Variants in SV2A observed in about 807,000 individuals in gnomAD.
SV2A encodes solute carrier family 22 member B1.
A neutral mutation model predicts 78.0 loss-of-function variants in SV2A; 25 were observed. The ratio of observed to expected loss-of-function variants is 0.32; its 90% CI spans 0.23 to 0.45. The LOEUF is 0.45. Ranked by LOEUF, SV2A falls within the 20% of genes least tolerant of loss-of-function variation. The pLI, the probability that SV2A is intolerant of heterozygous loss-of-function variation, is 1.00. For synonymous variants in SV2A, 355 were observed against 384.7 expected, an observed-to-expected ratio of 0.92 and a Z score of 0.90; for missense variants, 752 against 971.5, an observed-to-expected ratio of 0.77 and a Z score of 3.00.
In SV2A at chr1:149,906,846, C is replaced by T. The variant is rs782783214; in HGVS notation, c.1689G>A (p.Glu563=). Reference sequence around the variant, plus strand: ...TCAGACGGCTGTTCACAAACTTGTACTCGAACAGGTCTGTGGGCAAAGGCC... The same window carrying T: ...TCAGACGGCTGTTCACAAACTTGTATTCGAACAGGTCTGTGGGCAAAGGCC... ...NTVFYNTDLF[E]YKFVNSRLIN... is the part of the protein sequence containing the mutation. The change falls in exon 11 of 13, where the codon GAG becomes GAA. Residue 563 remains glutamate, a synonymous_variant. Coordinates refer to ENST00000369146, the MANE Select transcript of SV2A (RefSeq NM_014849.5). 4.6e-5 allele frequency: 74 copies of T among 1,614,196 alleles called. No homozygotes were observed. Among genetic ancestry groups the T allele is most frequent in the Non-Finnish European group, 6.1e-5 (72 of 1,180,040 alleles).
intron 12 of SV2A, 172 bp downstream of exon 12, chr1:149,905,708 A>G: frequency 1.1e-6 from 1 of 872,126 alleles, no homozygotes; most frequent in South Asian, 1.7e-5. Flanking sequence ...CTCCCAAAGC[A>G]CTGGGATTAC....
intron 10 of SV2A, 84 bp downstream of exon 10, chr1:149,907,616 C>T (rs2092446941): frequency 6.5e-7 from 1 of 1,544,632 alleles, no homozygotes; most frequent in Non-Finnish European, 8.8e-7. Context: ...CTTGAGAACC[C>T]TAAGATAGTG....
rs1553762445 is a variant in SV2A at position 149,904,949 on chromosome 1, G to A, written c.*65C>T. ...CTGGAGGTCAGGATGGCAGGGCAGG[G>A]AGGGGAAGGAAGGAGTTGTTGGTCT... On this transcript the variant is annotated 3_prime_UTR_variant, in exon 13 of 13. Coordinates refer to ENST00000369146, the MANE Select transcript of SV2A (RefSeq NM_014849.5). 4.0e-6 allele frequency: 6 copies of A among 1,499,730 alleles called. No individual in the cohort carries two copies. In the East Asian group the frequency reaches 1.2e-4, roughly 30 times the overall value. 92.9% of individuals were successfully genotyped at this position (1,499,730 alleles called of 1,614,324 possible).
chr1:149,913,087 A>T, intron 2 of SV2A, 132 bp downstream of exon 2: 1 of 1,171,430 alleles, frequency 8.5e-7, no homozygotes, highest in Non-Finnish European at 1.2e-6. Flanking sequence ...TGTGCAGAGG[A>T]ACCCTGAGCC....
chr1:149,906,617 A>G (rs781834508), intron 11 of SV2A, 33 bp downstream of exon 11: 2 of 1,610,716 alleles, frequency 1.2e-6, no homozygotes, highest in Admixed American at 1.7e-5. Flanking sequence ...CCTGGCCCCT[A>G]CTATCAGATC....
chr1:149,905,228 G>A (rs782046103), intron 12 of SV2A, 31 bp from the exon 13 acceptor site: 58 of 1,580,624 alleles, frequency 3.7e-5, no homozygotes, highest in East Asian at 1.4e-4. Context: ...GCAGCACGGC[G>A]CAAGGTACAG....
intron 1 of SV2A, among the ~76,000 whole-genome samples, chr1:149,915,891 A>ACG (rs2092509915): frequency 1.9e-5 from 2 of 104,940 alleles, no homozygotes; most frequent in Admixed American, 1.6e-4. Flanking sequence ...CTTCATTAAA[A>ACG]CACACACACA....
rs1326993187 is a variant in SV2A, at chr1:149,913,431, C to T, written c.410G>A (p.Gly137Glu). The T allele has an allele frequency of 6.2e-7, 1 of 1,613,798 alleles. No individual in the cohort carries two copies. Among genetic ancestry groups the T allele is most frequent in the Non-Finnish European group, 8.5e-7 (1 of 1,179,976 alleles). Residue 137 changes from glycine (G) to glutamate (E), a missense_variant, in exon 2 of 13, where the codon GGG (glycine) becomes GAG (glutamate). Around this residue, in one of 7 missense-constraint regions of SV2A, gnomAD observed 291 missense variants for 359.5 expected, o/e 0.81. Transcript: ENST00000369146. ...SDGEGPPGGR[G>E]EAQRRKEREE... ...TCGTTCTTTCCGTCGTTGTGCCTCC[C>T]CCCGGCCCCCAGGGGGACCCTCCCC...
Position 149,906,016 on chromosome 1 carries a change from C to T in SV2A, c.1909G>A (p.Val637Ile). 1 of 1,614,168 alleles carries T rather than the reference C, an allele frequency of 6.2e-7. No individual in the cohort carries two copies. The highest frequency in any genetic ancestry group is 1.3e-5 in the African/African-American group (1 of 75,032). Residue 637 changes from valine (V) to isoleucine (I), a missense_variant, in exon 12 of 13, where the codon GTC becomes ATC. Val to Ile is a conservative substitution (Grantham distance 29, BLOSUM62 3). Around this residue, in one of 7 missense-constraint regions of SV2A, gnomAD observed 186 missense variants for 274.6 expected, o/e 0.68. Coordinates refer to ENST00000369146, the MANE Select transcript of SV2A (RefSeq NM_014849.5). Reference protein sequence around the residue: ...MLAGSSVMSCVSCFFLSFGNS... With the variant: ...MLAGSSVMSCISCFFLSFGNS... ...CCAAAAGACAGGAAGAAGCAGGAGACACAGGACATCACGCTGGAGCCAGCT... is the reference window on the plus strand; with the variant it reads ...CCAAAAGACAGGAAGAAGCAGGAGATACAGGACATCACGCTGGAGCCAGCT...
intron 1 of SV2A, among the ~76,000 whole-genome samples, chr1:149,915,698 A>C (rs1553764449): frequency 6.6e-6 from 1 of 152,110 alleles, no homozygotes; most frequent in Non-Finnish European, 1.5e-5. Flanking sequence ...CAAACACCGC[A>C]TTGCGTAGGA....
chr1:149,916,528 C>G (rs1158909267), intron 1 of SV2A, among the ~76,000 whole-genome samples: 2 of 152,162 alleles, frequency 1.3e-5, no homozygotes, highest in African/African-American at 2.4e-5. Flanking sequence ...AAAATGTGCC[C>G]AGGAGATTTT....
chr1:149,909,791 T>C lies in SV2A; in HGVS notation c.1179+10A>G. On this transcript the variant is annotated intron_variant, in intron 6 of 12. Coordinates refer to ENST00000369146, the MANE Select transcript of SV2A (RefSeq NM_014849.5). ...GCGTGGAGGTCTGAGTCGGGAGGGC[T>C]GTGGCTTACTGAGAACACTCGCTCA... The C allele has an allele frequency of 1.9e-6, 3 of 1,613,334 alleles. No homozygotes were observed. The highest frequency in any genetic ancestry group is 2.2e-5 in the South Asian group (2 of 91,040).
chr1:149,912,747 G>A (rs1473594093), intron 2 of SV2A, among the ~76,000 whole-genome samples: 4 of 152,024 alleles, frequency 2.6e-5, no homozygotes, highest in African/African-American at 9.7e-5. Context: ...GTGAGAGAAA[G>A]TCTAACCAGC....
In SV2A at chr1:149,903,653, ATTTTCT is replaced by A. The variant is rs1553762259; in HGVS notation, c.*1355_*1360del. ...CGCAGCATGACGAAGGTGAATTTTG[ATTTTCT>A]TTTTTGTTATTTTCACTTTTTTCCT... On this transcript the variant is annotated 3_prime_UTR_variant, in exon 13 of 13. Coordinates refer to ENST00000369146, the MANE Select transcript of SV2A (RefSeq NM_014849.5). The A allele has an allele frequency of 6.6e-6, 1 of 152,062 alleles. No individual in the cohort carries two copies. Among genetic ancestry groups the A allele is most frequent in the African/African-American group, 2.4e-5 (1 of 41,354 alleles). The allele number at this position is 152,062 out of a possible 1,614,324, so 9.4% of individuals were successfully genotyped here.
rs782697320 is a variant in SV2A, at chr1:149,913,819, G to A, written c.22C>T (p.Arg8Trp). 5 of 1,609,584 alleles carry A rather than the reference G, an allele frequency of 3.1e-6. No homozygotes were observed. Among genetic ancestry groups the A allele is most frequent in the African/African-American group, 1.3e-5 (1 of 74,740 alleles). MEEGFRD[R>W]AAFIRGAKDI... ...TTGGCCCCACGGATGAAAGCTGCCC[G>A]GTCTCGGAAGCCCTCTTCCATGATG... The change falls in exon 2 of 13, where the codon CGG becomes TGG. Residue 8 changes from arginine (R) to tryptophan (W), a missense_variant. Arg to Trp is a moderately radical substitution (Grantham distance 101, BLOSUM62 -3). Transcript: ENST00000369146.
At position 149,904,880 on chromosome 1, in the gene SV2A, C is replaced by T; in HGVS notation, c.*134G>A. The T allele has an allele frequency of 5.9e-6, 6 of 1,020,578 alleles. No individual in the cohort carries two copies. Among genetic ancestry groups the T allele is most frequent in the Non-Finnish European group, 7.1e-6 (5 of 704,978 alleles). The allele number at this position is 1,020,578 out of a possible 1,614,324, so 63.2% of individuals were successfully genotyped here. On this transcript the variant is annotated 3_prime_UTR_variant, in exon 13 of 13. Coordinates refer to ENST00000369146, the MANE Select transcript of SV2A (RefSeq NM_014849.5). ...TTACACACATGCACACGCACACGCA[C>T]ACACAGCTAAGACACCAAACACGGG...
At chr1:149,916,862 G>C (rs1418478007) in intron 1 of SV2A, among the ~76,000 whole-genome samples, 1 of 152,112 alleles carries the variant, frequency 6.6e-6, no homozygotes, top group South Asian at 2.1e-4. Flanking sequence ...AGGTTAGGAA[G>C]ATAGGAGCAC....
Position 149,906,746 on chromosome 1 carries a change from C to T in SV2A, c.1789G>A (p.Val597Ile). 2 of 1,614,212 alleles carry T rather than the reference C, an allele frequency of 1.2e-6. No individual in the cohort carries two copies. The highest frequency in any genetic ancestry group is 1.7e-6 in the Non-Finnish European group (2 of 1,180,044). ...VTGTGEGAYM[V>I]YFVSFLGTLA... ...GTCCCCAGGAAGCTCACAAAGTATA[C>T]CATGTAGGCACCTTCGCCCGTCCCT... The change falls in exon 11 of 13, where the codon GTA (valine) becomes ATA (isoleucine). Residue 597 changes from valine to isoleucine, a missense_variant. Physicochemically the swap from Val to Ile is conservative, Grantham distance 29. Transcript: ENST00000369146.
At position 149,905,516 on chromosome 1, in the gene SV2A, C is replaced by T. The variant is rs587625317; in HGVS notation, c.2046-319G>A. On this transcript the variant is annotated intron_variant, in intron 12 of 12. Transcript: ENST00000369146. The stretch of plus-strand genomic sequence containing the variant: ...TTGCCCAGGCTGGAGTGCAGTGGTG[C>T]GATCTCGGCTCACTGAAAGCTCCAC... The T allele has an allele frequency of 2.9e-4, 85 of 288,400 alleles. 1 individual carries two copies. In the South Asian group the frequency reaches 5.0e-3, roughly 17 times the overall value. 17.9% of individuals were successfully genotyped at this position (288,400 alleles called of 1,614,324 possible).
Sources: gnomAD v4.1 joint callset for allele counts (sites outside exome capture counted in the v4.1 genomes callset) on GRCh38, gnomAD v4.1.1 for gene constraint, gnomAD v4.1.1 regional missense constraint, MANE v1.5 for transcripts, NCBI Gene and HGNC (gene_info 2026-07-23, HGNC 2026-07-21) for gene names.